The following CDH3 variants were observed in gnomAD, a reference collection of about 807,000 sequenced individuals.
CDH3 encodes cadherin 3.
CDH3 carries 54 observed loss-of-function variants against 82.0 expected under a neutral mutation model. The observed-to-expected ratio is 0.66, with a 90% CI of 0.53 to 0.83. The LOEUF is 0.83. Among genes scored for constraint, CDH3 ranks in the 40% least tolerant of loss-of-function variants. CDH3 has a pLI of 0.00. For missense variants in CDH3, 1,054 were observed against 1,084.6 expected (o/e 0.97, Z 0.40); for synonymous variants, 446 against 437.9 (o/e 1.02, Z -0.23).
intron 2 of CDH3, among the ~76,000 whole-genome samples, chr16:68,723,552 GAGTT>G (rs1253247485): frequency 2.0e-5 from 3 of 152,174 alleles, no homozygotes; most frequent in African/African-American, 7.2e-5. Flanking sequence ...GATAAATTGA[GAGTT>G]AGAGAAGGAA....
chr16:68,647,697 C>G (rs147161323), intron 2 of CDH3, among the ~76,000 whole-genome samples: 371 of 152,216 alleles, frequency 2.4e-3, no homozygotes, highest in Middle Eastern at 6.8e-3. Flanking sequence ...CAGTTGGTCC[C>G]AATAAATTGG....
In CDH3 at chr16:68,691,820, G is replaced by A. The variant is rs762572406; in HGVS notation, c.1896G>A (p.Val632=). The A allele has an allele frequency of 1.2e-6, 2 of 1,614,146 alleles. No individual in the cohort carries two copies. The highest frequency in any genetic ancestry group is 3.3e-5 in the Admixed American group (2 of 60,026). ...ATGGCAACAAAGAGCAGCTGACGGT[G>A]ATCAGGGCCACTGTGTGCGACTGCC... ...SDHGNKEQLT[V]IRATVCDCHG... is the part of the protein sequence containing the mutation. Residue 632 remains valine, a synonymous_variant, in exon 13 of 16, where the codon GTG becomes GTA. Coordinates refer to ENST00000264012, the MANE Select transcript of CDH3 (RefSeq NM_001793.6).
intron 11 of CDH3, chr16:68,686,522 G>C: frequency 8.8e-7 from 1 of 1,131,098 alleles, no homozygotes; most frequent in Non-Finnish European, 1.4e-6. Context: ...AGTAGTTGCT[G>C]TTGGATCGGA....
chr16:68,731,530 A>ACG (rs1962293774), downstream of CDH3, among the ~76,000 whole-genome samples: 1 of 58,196 alleles, frequency 1.7e-5, no homozygotes, highest in African/African-American at 4.1e-5. Context: ...ACACACACAC[A>ACG]CACACACACA....
chr16:68,728,778 A>G (rs1048007294), downstream of CDH3, among the ~76,000 whole-genome samples: 1 of 152,318 alleles, frequency 6.6e-6, no homozygotes, highest in Admixed American at 6.5e-5. Flanking sequence ...GAATTTGATA[A>G]TGGAGAGATC....
intron 11 of CDH3, chr16:68,686,319 G>T: frequency 2.4e-6 from 2 of 841,792 alleles, no homozygotes; most frequent in South Asian, 1.5e-5. Context: ...GGGTCAGACC[G>T]CATGTCTCTC....
chr16:68,700,679 T>C (rs1961880835), downstream of CDH3, among the ~76,000 whole-genome samples: 1 of 152,198 alleles, frequency 6.6e-6, no homozygotes, highest in Admixed American at 6.5e-5. Flanking sequence ...GTGCCCGGCC[T>C]ACACACACAT....
chr16:68,658,624 A>C (rs923383512), intron 2 of CDH3, among the ~76,000 whole-genome samples: 1 of 152,120 alleles, frequency 6.6e-6, no homozygotes, highest in South Asian at 2.1e-4. Context: ...AGAAACAGCA[A>C]CTTGTGAGCT....
intron 2 of CDH3, among the ~76,000 whole-genome samples, chr16:68,672,353 G>A (rs978308878): frequency 6.6e-6 from 1 of 152,056 alleles, no homozygotes; most frequent in East Asian, 1.9e-4. Context: ...CATAGTATAA[G>A]AACTTCCCTA....
Position 68,686,282 on chromosome 16 carries a change from C to G in CDH3, c.1570+932C>G, listed in dbSNP as rs538951176. The G allele has an allele frequency of 1.9e-4, 127 of 679,894 alleles. 1 individual carries two copies. Among genetic ancestry groups the G allele is most frequent in the Non-Finnish European group, 2.9e-4 (110 of 379,676 alleles). 42.1% of individuals were successfully genotyped at this position (679,894 alleles called of 1,614,324 possible). On this transcript the variant is annotated intron_variant, in intron 11 of 15. Coordinates refer to ENST00000264012, the MANE Select transcript of CDH3 (RefSeq NM_001793.6). The stretch of plus-strand genomic sequence containing the variant: ...AAGGGCTGGGGTGAGTGCACCTGCA[C>G]CCAGGCGGTCTTTTCACGTGTCGCC...
At chr16:68,733,225 C>A in the CDH3 span, among the ~76,000 whole-genome samples, 2 of 152,158 alleles carry the variant, frequency 1.3e-5, no homozygotes, top group Non-Finnish European at 2.9e-5. Flanking sequence ...CTCAAATGAT[C>A]CTCCTACCTC....
At chr16:68,715,442 T>G in intron 1 of CDH3, among the ~76,000 whole-genome samples, 1 of 126,534 alleles carries the variant, frequency 7.9e-6, no homozygotes. Flanking sequence ...AGAAAGGATT[T>G]GAATCCAGCT....
chr16:68,705,769 T>TA (rs1353391933), intron 1 of CDH3, among the ~76,000 whole-genome samples: 13 of 144,998 alleles, frequency 9.0e-5, no homozygotes, highest in Admixed American at 2.7e-4. Context: ...CAGAAAACAG[T>TA]AAAAAAGCCC....
intron 7 of CDH3, among the ~76,000 whole-genome samples, chr16:68,680,481 C>T (rs1173049334): frequency 3.3e-5 from 5 of 152,288 alleles, no homozygotes; most frequent in Non-Finnish European, 7.3e-5. Flanking sequence ...GAGTTCAAGA[C>T]CAGCCTGGCC....
At chr16:68,719,126 C>T (rs1160530390) in intron 1 of CDH3, among the ~76,000 whole-genome samples, 1 of 151,816 alleles carries the variant, frequency 6.6e-6, no homozygotes. Context: ...CCTGTAATCC[C>T]AGCTACTTGG....
At chr16:68,686,029 G>A (rs547098282) in intron 11 of CDH3, among the ~76,000 whole-genome samples, 1 of 152,070 alleles carries the variant, frequency 6.6e-6, no homozygotes, top group Non-Finnish European at 1.5e-5. Flanking sequence ...AAAAATAAGA[G>A]TTAGGGCCGG....
intron 2 of CDH3, 78 bp from the exon 3 acceptor site, chr16:68,676,307 C>A: frequency 2.0e-6 from 2 of 996,948 alleles, no homozygotes; most frequent in Non-Finnish European, 3.2e-6. Flanking sequence ...TCAGAGGACT[C>A]TTGTCAGTCT....
intron 13 of CDH3, among the ~76,000 whole-genome samples, chr16:68,693,670 T>C (rs1961634036): frequency 6.6e-6 from 1 of 152,122 alleles, no homozygotes; most frequent in African/African-American, 2.4e-5. Context: ...CACATGTGCA[T>C]GCATCTTCAG....
chr16:68,647,179 C>T (rs1365937726), intron 2 of CDH3, among the ~76,000 whole-genome samples: 1 of 152,104 alleles, frequency 6.6e-6, no homozygotes, highest in Non-Finnish European at 1.5e-5. Flanking sequence ...AATGTGAATT[C>T]GGGCAGGGCC....
Sources: gnomAD v4.1 joint callset for allele counts (sites outside exome capture counted in the v4.1 genomes callset) on GRCh38, gnomAD v4.1.1 for gene constraint, MANE v1.5 for transcripts, NCBI Gene and HGNC (gene_info 2026-07-23, HGNC 2026-07-21) for gene names.